Variants in ARFIP1 observed in about 807,000 individuals in gnomAD.
ARFIP1 encodes ARF interacting protein 1, also known as arfaptin-1.
A neutral mutation model predicts 42.5 loss-of-function variants in ARFIP1; 24 were observed. That is an observed-to-expected ratio of 0.57 (90% CI 0.41 to 0.80). The LOEUF (loss-of-function observed/expected upper bound fraction) is 0.80. ARFIP1 is among the 30% of genes least tolerant of loss of function. The pLI, the probability that ARFIP1 is intolerant of heterozygous loss-of-function variation, is 0.00. For synonymous variants in ARFIP1, 141 were observed against 153.7 expected (o/e 0.92, Z 0.61); for missense variants, 354 against 434.0 (o/e 0.82, Z 1.64).
chr4:152,902,222 C>T (rs1032075535), intron 8 of ARFIP1, among the ~76,000 whole-genome samples: 3 of 152,152 alleles, frequency 2.0e-5, no homozygotes, highest in Admixed American at 2.0e-4. Flanking sequence ...CTGTACAAGG[C>T]CAAATGTAGT....
chr4:152,780,803 G>GT (rs1730442091), intron 1 of ARFIP1, among the ~76,000 whole-genome samples: 1 of 152,204 alleles, frequency 6.6e-6, no homozygotes, highest in African/African-American at 2.4e-5. Context: ...AGTTACTACT[G>GT]TTTACGTGTC....
At chr4:152,820,503 G>C (rs913644180) in intron 1 of ARFIP1, among the ~76,000 whole-genome samples, 1 of 152,192 alleles carries the variant, frequency 6.6e-6, no homozygotes, top group Non-Finnish European at 1.5e-5. Flanking sequence ...TTGGCTCATG[G>C]TTCCACAGCC....
intron 8 of ARFIP1, among the ~76,000 whole-genome samples, chr4:152,903,792 G>C (rs866062220): frequency 9.9e-5 from 15 of 152,094 alleles, no homozygotes; most frequent in Non-Finnish European, 1.9e-4. Flanking sequence ...GTGGGCTACT[G>C]AGTCTTCCTC....
In ARFIP1 at chr4:152,862,270, T is replaced by C. The variant is rs1421290105; in HGVS notation, c.94-1336T>C. Among the ~76,000 whole-genome samples, 3 of 152,158 alleles carry C rather than the reference T, an allele frequency of 2.0e-5. 1 individual carries two copies. Among genetic ancestry groups the C allele is most frequent in the Non-Finnish European group, 4.4e-5 (3 of 68,024 alleles). On this transcript the variant is annotated intron_variant, in intron 2 of 8. Coordinates refer to ENST00000353617, the MANE Select transcript of ARFIP1 (RefSeq NM_001025595.3). ...TCCCTCCAGCGTTCCATATCATCCATGTTGGTCACTGATGCAGCTTAGAAT... is the reference window on the plus strand; with the variant it reads ...TCCCTCCAGCGTTCCATATCATCCACGTTGGTCACTGATGCAGCTTAGAAT...
At chr4:152,796,734 A>G in intron 1 of ARFIP1, 1 of 803,186 alleles carries the variant, frequency 1.2e-6, no homozygotes, top group Non-Finnish European at 2.2e-6. Flanking sequence ...CCTTCTTTGA[A>G]CATTCTTGAG....
At chr4:152,815,954 C>T (rs1262303665) in intron 1 of ARFIP1, among the ~76,000 whole-genome samples, 4 of 151,872 alleles carry the variant, frequency 2.6e-5, no homozygotes, top group East Asian at 1.9e-4. Flanking sequence ...CCGTTTTAGC[C>T]GGGATGGTCT....
intron 3 of ARFIP1, among the ~76,000 whole-genome samples, chr4:152,867,883 A>G (rs943383723): frequency 1.3e-5 from 2 of 152,252 alleles, no homozygotes; most frequent in Admixed American, 1.3e-4. Context: ...TTCTGCTGCT[A>G]TACTTAAATT....
At chr4:152,897,672 T>C (rs886178687) in intron 8 of ARFIP1, among the ~76,000 whole-genome samples, 2 of 152,234 alleles carry the variant, frequency 1.3e-5, no homozygotes, top group Non-Finnish European at 2.9e-5. Flanking sequence ...TTGATATACA[T>C]GTGTGCTCTT....
In ARFIP1 at chr4:152,779,964, C is replaced by G. The variant is rs1368120361; in HGVS notation, c.-272C>G. The G allele has an allele frequency of 6.6e-6, 1 of 152,532 alleles. No individual in the cohort carries two copies. The highest frequency in any genetic ancestry group is 1.5e-5 in the Non-Finnish European group (1 of 68,300). 9.4% of individuals were successfully genotyped at this position (152,532 alleles called of 1,614,324 possible). A position where few individuals can be genotyped will look rare whatever the true frequency, so the allele number is the denominator to read the frequency against. Reference sequence around the variant, plus strand: ...AACGCTACTTCCGGTCTCCTCACTTCCGGCTTCGCTGCTCTTGGTTCTGGT... The same window carrying G: ...AACGCTACTTCCGGTCTCCTCACTTGCGGCTTCGCTGCTCTTGGTTCTGGT... On this transcript the variant is annotated 5_prime_UTR_variant, in exon 1 of 9. Transcript: ENST00000353617.
Position 152,829,689 on chromosome 4 carries a change from G to T in ARFIP1, c.56G>T (p.Gly19Val), listed in dbSNP as rs1390531475. 6.2e-7 allele frequency: 1 copy of T among 1,611,924 alleles called. No homozygotes were observed. The highest frequency in any genetic ancestry group is 1.7e-5 in the Admixed American group (1 of 59,922). Residue 19 changes from glycine (G) to valine (V), a missense_variant, in exon 2 of 9, where the codon GGA becomes GTA. Physicochemically the swap from Gly to Val is moderately radical, Grantham distance 109. Transcript: ENST00000353617. ...SAAEIPVTSN[G>V]EVDDSREHSF... is the part of the protein sequence containing the mutation. ...GCAGAAATTCCAGTGACTAGTAATG[G>T]AGAAGTTGATGACTCTCGTGAACAT... is the stretch of plus-strand genomic sequence containing the variant.
chr4:152,897,806 T>C lies in ARFIP1; in HGVS notation c.966+9499T>C, dbSNP rs1737470367. 2.0e-5 allele frequency among the ~76,000 whole-genome samples: 3 copies of C among 152,096 alleles called. No individual in the cohort carries two copies. In the South Asian group the frequency reaches 6.2e-4, roughly 32 times the overall value. On this transcript the variant is annotated intron_variant, in intron 8 of 8. Coordinates refer to ENST00000353617, the MANE Select transcript of ARFIP1 (RefSeq NM_001025595.3). ...CTTGAACAGATCACTAATAACTGCA[T>C]TGGTTGTGCTGTTGATGATGGTACT... is the stretch of plus-strand genomic sequence containing the variant.
chr4:152,881,864 A>G (rs1380904046), intron 6 of ARFIP1, among the ~76,000 whole-genome samples: 2 of 152,222 alleles, frequency 1.3e-5, no homozygotes, highest in African/African-American at 2.4e-5. Flanking sequence ...TTGCAATAGC[A>G]TTAAATTTGT....
intron 2 of ARFIP1, among the ~76,000 whole-genome samples, chr4:152,852,766 C>T (rs1733102147): frequency 6.6e-6 from 1 of 152,192 alleles, no homozygotes; most frequent in South Asian, 2.1e-4. Context: ...CTAGTATTAT[C>T]TCACAAGTCA....
At chr4:152,902,965 A>C (rs1001866275) in intron 8 of ARFIP1, among the ~76,000 whole-genome samples, 1 of 152,254 alleles carries the variant, frequency 6.6e-6, no homozygotes, top group Admixed American at 6.5e-5. Flanking sequence ...CTGCTTGTAT[A>C]GTAACAGCAT....
intron 1 of ARFIP1, among the ~76,000 whole-genome samples, chr4:152,813,375 C>T (rs1729622550): frequency 1.3e-5 from 2 of 152,094 alleles, no homozygotes; most frequent in Non-Finnish European, 2.9e-5. Context: ...TGATCAGACT[C>T]CTCTTGCTTT....
At chr4:152,878,104 C>A (rs1312653491) in intron 5 of ARFIP1, among the ~76,000 whole-genome samples, 1 of 152,196 alleles carries the variant, frequency 6.6e-6, no homozygotes, top group Admixed American at 6.5e-5. Context: ...ATTTCACCCA[C>A]CCTTTCCCAA....
At chr4:152,887,740 G>A (rs909408890) in intron 7 of ARFIP1, among the ~76,000 whole-genome samples, 3 of 151,996 alleles carry the variant, frequency 2.0e-5, no homozygotes, top group East Asian at 1.9e-4. Context: ...TTACACTTCC[G>A]TTAGTTTTAG....
In ARFIP1 at chr4:152,840,616, T is replaced by C. The variant is rs536735640; in HGVS notation, c.93+10890T>C. 3.3e-5 allele frequency among the ~76,000 whole-genome samples: 5 copies of C among 152,154 alleles called. No homozygotes were observed. The East Asian group carries it at 9.6e-4, about 29-fold the overall frequency. On this transcript the variant is annotated intron_variant, in intron 2 of 8. Transcript: ENST00000353617. ...ATTGGCATAAAATGCCTTTTACCAC[T>C]CCTTTAAGTTTATCTGAGTCCTTAT... is the stretch of plus-strand genomic sequence containing the variant.
intron 8 of ARFIP1, among the ~76,000 whole-genome samples, chr4:152,902,467 A>G (rs1239995092): frequency 1.3e-5 from 2 of 151,788 alleles, no homozygotes. Flanking sequence ...GTGTTGCTGC[A>G]CTCTAGCTTG....
Sources: gnomAD v4.1 joint callset for allele counts (sites outside exome capture counted in the v4.1 genomes callset) on GRCh38, gnomAD v4.1.1 for gene constraint, MANE v1.5 for transcripts, NCBI Gene and HGNC (gene_info 2026-07-23, HGNC 2026-07-21) for gene names.